SWT1: variants seen among roughly 807,000 people sequenced by gnomAD.
SWT1 encodes the protein SWT1 RNA endoribonuclease homolog.
A neutral mutation model predicts 107.3 loss-of-function variants in SWT1; 33 were observed. The observed-to-expected ratio is 0.31, with a 90% CI of 0.23 to 0.41. SWT1 has a LOEUF of 0.41. SWT1 is among the 10% of genes least tolerant of loss of function. The probability of loss-of-function intolerance (pLI) is 1.00; values close to 1 mark genes in which losing one functional copy is unlikely to be tolerated. For synonymous variants in SWT1, 345 were observed against 348.3 expected, an observed-to-expected ratio of 0.99 and a Z score of 0.11; for missense variants, 898 against 1,028.9, an observed-to-expected ratio of 0.87 and a Z score of 1.74.
At chr1:185,242,961 A>G (rs942370625) in intron 16 of SWT1, among the ~76,000 whole-genome samples, 2 of 152,218 alleles carry the variant, frequency 1.3e-5, no homozygotes, top group African/African-American at 2.4e-5. Flanking sequence ...AAGGGCTATC[A>G]TAATAATTTT....
intron 2 of SWT1, among the ~76,000 whole-genome samples, chr1:185,163,850 A>G (rs1473121833): frequency 2.0e-5 from 3 of 152,182 alleles, no homozygotes; most frequent in Non-Finnish European, 4.4e-5. Flanking sequence ...ACTCCTGTTA[A>G]TGTTGGTATT....
intron 5 of SWT1, 66 bp downstream of exon 5, chr1:185,175,179 TC>T: frequency 8.2e-7 from 1 of 1,217,280 alleles, no homozygotes; most frequent in Non-Finnish European, 1.1e-6. Flanking sequence ...TTAAGTTTTT[TC>T]TGTATTTCTA....
rs138800931 is a variant in SWT1, at chr1:185,205,078, CAG to C, written c.1833+217_1833+218del. On this transcript the variant is annotated intron_variant, in intron 12 of 18. Transcript: ENST00000367500. ...TATGTTATTCTTTTTTTTGAGCAAA[CAG>C]ATATTTATTTTGCATCTGCTGTGTG... Among the ~76,000 whole-genome samples, 901 of 151,908 alleles carry C rather than the reference CAG, an allele frequency of 5.9e-3. 32 individuals are homozygous for C. In the East Asian group the frequency reaches 0.095, roughly 16 times the overall value.
chr1:185,192,355 C>T (rs1055640056), intron 10 of SWT1, among the ~76,000 whole-genome samples: 3 of 152,106 alleles, frequency 2.0e-5, no homozygotes, highest in African/African-American at 7.2e-5. Context: ...CACCTCCTAC[C>T]CATTTGCTAA....
chr1:185,202,524 T>C (rs1468294649), intron 10 of SWT1, 130 bp from the exon 11 acceptor site: 2 of 619,850 alleles, frequency 3.2e-6, no homozygotes, highest in African/African-American at 2.0e-5. Context: ...TTTAAAAAAG[T>C]TGTTATTCTT....
chr1:185,245,704 A>G (rs1374089051), intron 16 of SWT1, among the ~76,000 whole-genome samples: 1 of 152,102 alleles, frequency 6.6e-6, no homozygotes, highest in Non-Finnish European at 1.5e-5. Context: ...GTAGGAAGTT[A>G]CTAAGTGATA....
At chr1:185,216,435 T>C (rs947253938) in intron 14 of SWT1, among the ~76,000 whole-genome samples, 21 of 152,268 alleles carry the variant, frequency 1.4e-4, no homozygotes, top group Non-Finnish European at 2.9e-4. Flanking sequence ...AGATGGAAAG[T>C]GCAAGATACT....
At chr1:185,212,969 T>C (rs1415158236) in intron 13 of SWT1, among the ~76,000 whole-genome samples, 3 of 152,214 alleles carry the variant, frequency 2.0e-5, no homozygotes, top group Non-Finnish European at 4.4e-5. Flanking sequence ...TAGAAAATTG[T>C]GTGGAAAATG....
chr1:185,264,332 C>T, intron 16 of SWT1: 1 of 984,806 alleles, frequency 1.0e-6, no homozygotes, highest in Non-Finnish European at 1.2e-6. Flanking sequence ...GAGAGAAGAC[C>T]ATTACCGTTC....
rs371328925 is a variant in SWT1 at position 185,184,277 on chromosome 1, T to C, written c.1173T>C (p.Val391=). 1.4e-5 allele frequency: 22 copies of C among 1,573,052 alleles called. No individual in the cohort carries two copies. Among genetic ancestry groups the C allele is most frequent in the Non-Finnish European group, 1.9e-5 (22 of 1,155,660 alleles). The change falls in exon 8 of 19, where the codon GTT becomes GTC. Residue 391 remains valine (V), a synonymous_variant. Transcript: ENST00000367500. ...CTTCAGACAGAAAGCTTCTAATTGT[T>C]ATTGACACAAATATTCTGATGAATC... The part of the protein sequence containing the change: ...NNTSDRKLLI[V]IDTNILMNHL...
At chr1:185,241,939 G>A (rs571864251) in intron 16 of SWT1, among the ~76,000 whole-genome samples, 6 of 152,216 alleles carry the variant, frequency 3.9e-5, no homozygotes, top group African/African-American at 1.4e-4. Context: ...AGCAGATGAT[G>A]GAGCCTCCAG....
At chr1:185,243,101 T>C (rs993504958) in intron 16 of SWT1, among the ~76,000 whole-genome samples, 2 of 152,178 alleles carry the variant, frequency 1.3e-5, no homozygotes, top group Non-Finnish European at 1.5e-5. Flanking sequence ...GGATACATTC[T>C]AACTAGTTGG....
chr1:185,220,462 C>G (rs1320404032), intron 14 of SWT1, among the ~76,000 whole-genome samples: 3 of 152,040 alleles, frequency 2.0e-5, no homozygotes, highest in Non-Finnish European at 4.4e-5. Flanking sequence ...ACCTGACTCC[C>G]TTGGCTTCTA....
Position 185,160,876 on chromosome 1 carries a change from C to T in SWT1, c.35C>T (p.Thr12Ile). ...SSKESCGKKE[T>I]SQRKDTTTSS... ...AAAGAATCCTGTGGGAAAAAAGAGA[C>T]ATCTCAGAGGAAAGACACCACCACC... The change falls in exon 2 of 19, where the codon ACA becomes ATA. Residue 12 changes from threonine to isoleucine, a missense_variant. Around this residue, in one of 6 missense-constraint regions of SWT1, gnomAD observed 382 missense variants for 362.4 expected, o/e 1.05. Transcript: ENST00000367500. 6.2e-7 allele frequency: 1 copy of T among 1,613,102 alleles called. No homozygotes were observed. The highest frequency in any genetic ancestry group is 8.5e-7 in the Non-Finnish European group (1 of 1,179,632).
chr1:185,261,209 C>T (rs569544825), intron 16 of SWT1, among the ~76,000 whole-genome samples: 150 of 152,172 alleles, frequency 9.9e-4, no homozygotes, highest in Middle Eastern at 3.4e-3. Flanking sequence ...TTGACAACCA[C>T]CTGAATTTGA....
intron 6 of SWT1, 102 bp from the exon 7 acceptor site, chr1:185,181,844 C>T: frequency 1.2e-5 from 15 of 1,293,956 alleles, no homozygotes; most frequent in South Asian, 4.4e-5. Context: ...TTTTTCTTTC[C>T]ATAAACCATC....
At position 185,224,113 on chromosome 1, in the gene SWT1, G is replaced by A. The variant is rs367735093; in HGVS notation, c.2309+2077G>A. 6.6e-5 allele frequency among the ~76,000 whole-genome samples: 10 copies of A among 152,282 alleles called. No individual in the cohort carries two copies. The East Asian group carries it at 1.9e-3, about 29-fold the overall frequency. ...TACATATTCTGGATATTAATACCTT[G>A]TGAGATGTATAGTTTGCATATATTT... is the stretch of plus-strand genomic sequence containing the variant. On this transcript the variant is annotated intron_variant, in intron 15 of 18. Transcript: ENST00000367500.
At chr1:185,213,072 T>C (rs953006332) in intron 13 of SWT1, among the ~76,000 whole-genome samples, 4 of 152,180 alleles carry the variant, frequency 2.6e-5, no homozygotes, top group African/African-American at 9.7e-5. Flanking sequence ...TGTAGATTTC[T>C]TTTTTTGTTG....
chr1:185,276,536 A>T, intron 17 of SWT1, 68 bp from the exon 18 acceptor site: 1 of 848,016 alleles, frequency 1.2e-6, no homozygotes, highest in East Asian at 2.7e-5. Flanking sequence ...AATATGGGCT[A>T]CTCTAATTTT....
Sources: gnomAD v4.1 joint callset for allele counts (sites outside exome capture counted in the v4.1 genomes callset) on GRCh38, gnomAD v4.1.1 for gene constraint, gnomAD v4.1.1 regional missense constraint, MANE v1.5 for transcripts, NCBI Gene and HGNC (gene_info 2026-07-23, HGNC 2026-07-21) for gene names.